TSHZ2: variants seen among roughly 807,000 people sequenced by gnomAD.
TSHZ2 encodes teashirt homolog 2.
Under a neutral mutation model 74.4 loss-of-function variants are expected in TSHZ2, and 21 were observed. That is an observed-to-expected ratio of 0.28 (90% CI 0.20 to 0.41). The LOEUF is 0.41. Among genes scored for constraint, TSHZ2 ranks in the 10% least tolerant of loss-of-function variants. The pLI, the probability that TSHZ2 is intolerant of heterozygous loss-of-function variation, is 1.00. For missense variants in TSHZ2, 1,244 were observed against 1,293.5 expected (o/e 0.96, Z 0.59); for synonymous variants, 540 against 515.3 (o/e 1.05, Z -0.65).
At chr20:53,321,480 T>C (rs1289501247) in intron 2 of TSHZ2, among the ~76,000 whole-genome samples, 2 of 151,604 alleles carry the variant, frequency 1.3e-5, no homozygotes, top group Non-Finnish European at 2.9e-5. Context: ...GGTCAGGAGT[T>C]CAAGACCAGC....
intron 2 of TSHZ2, among the ~76,000 whole-genome samples, chr20:53,439,210 T>TCA (rs1371733279): frequency 6.6e-6 from 1 of 152,188 alleles, no homozygotes; most frequent in Non-Finnish European, 1.5e-5. Flanking sequence ...CAAGCAGAGA[T>TCA]CACACATCAT....
chr20:53,421,452 C>T (rs557584896), intron 2 of TSHZ2: 2 of 217,766 alleles, frequency 9.2e-6, no homozygotes, highest in Non-Finnish European at 2.0e-5. Context: ...CTGAAACATG[C>T]AGGTCCTGGC....
intron 2 of TSHZ2, among the ~76,000 whole-genome samples, chr20:53,465,049 A>C (rs761074852): frequency 6.6e-6 from 1 of 152,166 alleles, no homozygotes; most frequent in East Asian, 1.9e-4. Flanking sequence ...ATACTTCAGG[A>C]AAGGGCAGGG....
At chr20:53,273,303 CTTTTT>C (rs11468670) in intron 2 of TSHZ2, 30,903 of 152,110 alleles carry the variant, frequency 0.2, 3,185 homozygotes, top group Admixed American at 0.26. Flanking sequence ...TACTTTCTTT[CTTTTT>C]TTGAGACAGA....
intron 1 of TSHZ2, among the ~76,000 whole-genome samples, chr20:53,082,952 C>T (rs988056415): frequency 6.6e-6 from 1 of 152,206 alleles, no homozygotes; most frequent in Non-Finnish European, 1.5e-5. Flanking sequence ...TAGATGGAGG[C>T]AAGGCCAGAG....
chr20:52,979,851 G>A (rs1981495037), intron 1 of TSHZ2, among the ~76,000 whole-genome samples: 1 of 152,138 alleles, frequency 6.6e-6, no homozygotes, highest in African/African-American at 2.4e-5. Flanking sequence ...ATAACAACAG[G>A]AAAACGCACA....
chr20:53,417,097 A>G (rs1238851852), intron 2 of TSHZ2, among the ~76,000 whole-genome samples: 1 of 152,170 alleles, frequency 6.6e-6, no homozygotes, highest in Non-Finnish European at 1.5e-5. Flanking sequence ...CCTCCCCTGC[A>G]TGACTCTCAA....
At chr20:53,015,529 A>G (rs556222660) in intron 1 of TSHZ2, among the ~76,000 whole-genome samples, 1 of 152,306 alleles carries the variant, frequency 6.6e-6, no homozygotes, top group East Asian at 1.9e-4. Context: ...TAGAATTTGC[A>G]CAATGAGGAT....
Position 53,283,314 on chromosome 20 carries a change from C to T in TSHZ2, c.*8+26743C>T, listed in dbSNP as rs151247819. Among the ~76,000 whole-genome samples the T allele has an allele frequency of 2.0e-5, 3 of 152,286 alleles. No individual in the cohort carries two copies. The East Asian group carries it at 5.8e-4, about 29-fold the overall frequency. ...TCCTGATTCTTGCAAAAAATCAGGG[C>T]TAATAGTTATTGAATGCTTACTATG... On this transcript the variant is annotated intron_variant, in intron 2 of 2. Coordinates refer to ENST00000371497, the MANE Select transcript of TSHZ2 (RefSeq NM_173485.6).
At chr20:53,200,534 G>T (rs1988978117) in intron 1 of TSHZ2, among the ~76,000 whole-genome samples, 1 of 152,188 alleles carries the variant, frequency 6.6e-6, no homozygotes, top group Non-Finnish European at 1.5e-5. Context: ...ATTAGGAGGA[G>T]ATTGGATATG....
At chr20:53,154,650 C>T (rs921621029) in intron 1 of TSHZ2, among the ~76,000 whole-genome samples, 1 of 152,178 alleles carries the variant, frequency 6.6e-6, no homozygotes, top group African/African-American at 2.4e-5. Flanking sequence ...TCTGAATGCA[C>T]TGAAATCTAG....
At chr20:53,050,410 C>T (rs1285989276) in intron 1 of TSHZ2, among the ~76,000 whole-genome samples, 3 of 152,014 alleles carry the variant, frequency 2.0e-5, no homozygotes, top group Non-Finnish European at 4.4e-5. Flanking sequence ...TAGTCTGATA[C>T]ATTAGATACA....
chr20:53,108,897 C>CT (rs138612861), intron 1 of TSHZ2, among the ~76,000 whole-genome samples: 10,223 of 152,254 alleles, frequency 0.067, 437 homozygotes, highest in Non-Finnish European at 0.1. Context: ...CCATTAATTT[C>CT]TTTTTCTTCC....
At chr20:53,008,935 T>A (rs923139965) in intron 1 of TSHZ2, among the ~76,000 whole-genome samples, 2 of 151,520 alleles carry the variant, frequency 1.3e-5, no homozygotes, top group African/African-American at 2.4e-5. Context: ...ATAGAACAAT[T>A]ATAATAATAT....
chr20:53,485,867 T>C (rs1438312336), intron 2 of TSHZ2, among the ~76,000 whole-genome samples: 1 of 152,252 alleles, frequency 6.6e-6, no homozygotes, highest in Non-Finnish European at 1.5e-5. Flanking sequence ...TGTATATGTA[T>C]TTCTAATTGC....
rs1990484672 is a variant in TSHZ2, at chr20:53,256,423, G to A, written c.2965G>A (p.Asp989Asn). 1.2e-6 allele frequency: 2 copies of A among 1,613,986 alleles called. No individual in the cohort carries two copies. The highest frequency in any genetic ancestry group is 1.7e-5 in the Admixed American group (1 of 60,010). ...RSPETIAAEE[D>N]TDSKFKCKLC... ...TCCAGAAACAATAGCTGCCGAAGAG[G>A]ACACAGACTCTAAATTCAAGTGTAA... is the stretch of plus-strand genomic sequence containing the variant. Residue 989 changes from aspartate (D) to asparagine (N), a missense_variant, in exon 2 of 3, where the codon GAC becomes AAC. Asp to Asn is a conservative substitution (Grantham distance 23). Transcript: ENST00000371497. This position sits in a 1 kb window ranked among gnomAD's most constrained non-coding sequence, Gnocchi z 4.3.
intron 1 of TSHZ2, among the ~76,000 whole-genome samples, chr20:53,158,778 C>T (rs1358565352): frequency 2.0e-5 from 3 of 152,198 alleles, no homozygotes; most frequent in Non-Finnish European, 2.9e-5. Context: ...TTCATCACCA[C>T]CGCCTGTTCC....
intron 1 of TSHZ2, among the ~76,000 whole-genome samples, chr20:53,029,249 A>G (rs1053999968): frequency 6.6e-6 from 1 of 152,236 alleles, no homozygotes; most frequent in Non-Finnish European, 1.5e-5. Flanking sequence ...ATGGGTTTAT[A>G]TCCCAAAACA....
At chr20:53,030,055 C>T (rs1983582286) in intron 1 of TSHZ2, among the ~76,000 whole-genome samples, 1 of 152,072 alleles carries the variant, frequency 6.6e-6, no homozygotes, top group Non-Finnish European at 1.5e-5. Context: ...TATATTTCGT[C>T]ATTTAAGCCT....
Sources: allele counts gnomAD v4.1 joint callset (sites outside exome capture counted in the v4.1 genomes callset), GRCh38; gene constraint gnomAD v4.1.1; non-coding constraint Gnocchi (gnomAD v3.1); transcripts MANE v1.5; gene names NCBI Gene and HGNC (gene_info 2026-07-23, HGNC 2026-07-21).